Variants in PLCB1 observed in about 807,000 individuals in gnomAD.
PLCB1 encodes phospholipase C beta 1.
In PLCB1, 46 loss-of-function variants were observed where a neutral mutation model predicts 161.8. The ratio of observed to expected loss-of-function variants is 0.28; its 90% CI spans 0.22 to 0.36. The LOEUF is 0.36. Among genes scored for constraint, PLCB1 ranks in the 10% least tolerant of loss-of-function variants. The pLI is 1.00. For synonymous variants in PLCB1, 517 were observed against 503.7 expected, an observed-to-expected ratio of 1.03 and a Z score of -0.35; for missense variants, 1,016 against 1,472.5, an observed-to-expected ratio of 0.69 and a Z score of 5.07.
In PLCB1 at chr20:8,174,494, A is replaced by G. The variant is rs892371278; in HGVS notation, c.177+24123A>G. On this transcript the variant is annotated intron_variant, in intron 2 of 31. Coordinates refer to ENST00000338037, the MANE Select transcript of PLCB1 (RefSeq NM_015192.4). ...TTTTATAAAACAGAAAGGAAAGTAT[A>G]GAAGAAGGAAACTTGGAGTATCAGA... 5.3e-5 allele frequency among the ~76,000 whole-genome samples: 8 copies of G among 152,244 alleles called. 1 individual carries two copies. Among genetic ancestry groups the G allele is most frequent in the African/African-American group, 1.9e-4 (8 of 41,466 alleles).
chr20:8,694,832 G>A (rs1054348568), intron 10 of PLCB1, among the ~76,000 whole-genome samples: 20 of 152,092 alleles, frequency 1.3e-4, no homozygotes, highest in Admixed American at 3.9e-4. Flanking sequence ...CTTTAATACC[G>A]GTGCAATTTT....
intron 13 of PLCB1, among the ~76,000 whole-genome samples, chr20:8,716,660 A>G (rs1207143499): frequency 6.6e-6 from 1 of 152,192 alleles, no homozygotes; most frequent in Non-Finnish European, 1.5e-5. Context: ...GCTCACTCCC[A>G]GGGAACCTCG....
At chr20:8,222,366 A>G (rs1430055177) in intron 2 of PLCB1, among the ~76,000 whole-genome samples, 1 of 152,160 alleles carries the variant, frequency 6.6e-6, no homozygotes, top group African/African-American at 2.4e-5. Flanking sequence ...TTCTAGATAT[A>G]GAATTCTGGG....
chr20:8,629,837 C>CT (rs1473598164), intron 4 of PLCB1, among the ~76,000 whole-genome samples: 12 of 89,392 alleles, frequency 1.3e-4, no homozygotes, highest in South Asian at 6.9e-4. Flanking sequence ...TTCTTTCTTT[C>CT]TTTCTTTCTT....
chr20:8,503,910 C>T (rs1447034439), intron 3 of PLCB1, among the ~76,000 whole-genome samples: 1 of 152,114 alleles, frequency 6.6e-6, no homozygotes, highest in East Asian at 1.9e-4. Context: ...AATTATGTGA[C>T]TTACAAGCAT....
chr20:8,147,904 G>A (rs1300557030), intron 1 of PLCB1, among the ~76,000 whole-genome samples: 8 of 133,582 alleles, frequency 6.0e-5, no homozygotes, highest in Middle Eastern at 4.6e-3. Context: ...ACGGCGTCTC[G>A]CTCTGTCACC....
chr20:8,733,784 T>TATTATA (rs375005246), intron 19 of PLCB1, among the ~76,000 whole-genome samples: 4 of 139,308 alleles, frequency 2.9e-5, no homozygotes, highest in Non-Finnish European at 6.1e-5. Context: ...AAACTTAAAG[T>TATTATA]ATAATAATAA....
intron 2 of PLCB1, among the ~76,000 whole-genome samples, chr20:8,154,986 C>T (rs996888225): frequency 2.6e-5 from 4 of 152,080 alleles, no homozygotes; most frequent in Non-Finnish European, 5.9e-5. Context: ...TTCTCATCAC[C>T]GTTATTAATC....
At chr20:8,160,483 C>T (rs538082238) in intron 2 of PLCB1, among the ~76,000 whole-genome samples, 11 of 152,270 alleles carry the variant, frequency 7.2e-5, no homozygotes, top group African/African-American at 2.2e-4. Context: ...TTCCACGTGG[C>T]TGGGGAGGCC....
At chr20:8,853,104 A>G (rs35030007) in intron 31 of PLCB1, among the ~76,000 whole-genome samples, 39,418 of 152,020 alleles carry the variant, frequency 0.26, 6,754 homozygotes, top group East Asian at 0.63. Flanking sequence ...TTTCTGAAAA[A>G]TGGCTTATCA....
chr20:8,830,141 T>C (rs1424250744), intron 31 of PLCB1, among the ~76,000 whole-genome samples: 1 of 152,178 alleles, frequency 6.6e-6, no homozygotes, highest in East Asian at 1.9e-4. Flanking sequence ...ATAAGAGATG[T>C]GTGAGTAGGA....
At chr20:8,486,480 T>C (rs1456339209) in intron 3 of PLCB1, among the ~76,000 whole-genome samples, 2 of 93,318 alleles carry the variant, frequency 2.1e-5, no homozygotes, top group Non-Finnish European at 4.2e-5. Flanking sequence ...TATTCCAAAA[T>C]ATTTTTTTTT....
chr20:8,657,220 G>A lies in PLCB1; in HGVS notation c.631G>A (p.Val211Met), dbSNP rs1989486962. Residue 211 changes from valine to methionine, a missense_variant, in exon 8 of 32, where the codon GTG becomes ATG. Around this residue, in one of 10 missense-constraint regions of PLCB1, gnomAD observed 117 missense variants for 142.2 expected, o/e 0.82. Coordinates refer to ENST00000338037, the MANE Select transcript of PLCB1 (RefSeq NM_015192.4). Reference sequence around the variant, plus strand: ...ACCTCAAGAAGATTTCACTCCAGAAGTGTACAGAGTTTTCCTCAACAACCT... The same window carrying A: ...ACCTCAAGAAGATTTCACTCCAGAAATGTACAGAGTTTTCCTCAACAACCT... The part of the protein sequence containing the change: ...SIPQEDFTPE[V>M]YRVFLNNLCP... 1.2e-6 allele frequency: 2 copies of A among 1,610,132 alleles called. No individual in the cohort carries two copies. Among genetic ancestry groups the A allele is most frequent in the Admixed American group, 1.7e-5 (1 of 59,928 alleles).
chr20:8,624,246 T>C (rs1273992318), intron 3 of PLCB1, among the ~76,000 whole-genome samples: 1 of 152,194 alleles, frequency 6.6e-6, no homozygotes, highest in African/African-American at 2.4e-5. Flanking sequence ...GTTCCATCCA[T>C]ATAACTGTAA....
At chr20:8,730,133 C>T (rs1041846472) in intron 18 of PLCB1, among the ~76,000 whole-genome samples, 31 of 151,836 alleles carry the variant, frequency 2.0e-4, no homozygotes, top group African/African-American at 7.5e-4. Context: ...TTTTGTGAAA[C>T]AGAGACAATT....
intron 13 of PLCB1, 55 bp downstream of exon 13, chr20:8,716,403 G>A: frequency 1.6e-6 from 2 of 1,263,720 alleles, no homozygotes; most frequent in Non-Finnish European, 2.3e-6. Flanking sequence ...TGATGAATGA[G>A]GTTGAGGGAA....
At chr20:8,754,087 C>G (rs942575844) in intron 23 of PLCB1, among the ~76,000 whole-genome samples, 10 of 152,168 alleles carry the variant, frequency 6.6e-5, no homozygotes, top group African/African-American at 2.4e-4. Flanking sequence ...CCCACTTTAT[C>G]CCCGACTGCA....
chr20:8,252,115 T>C (rs192724316), intron 2 of PLCB1, among the ~76,000 whole-genome samples: 63 of 151,972 alleles, frequency 4.1e-4, no homozygotes, highest in African/African-American at 1.3e-3. Flanking sequence ...ACATCTATCA[T>C]AGACTGGATA....
chr20:8,837,255 C>A (rs1423529103), intron 31 of PLCB1, among the ~76,000 whole-genome samples: 1 of 152,128 alleles, frequency 6.6e-6, no homozygotes, highest in Non-Finnish European at 1.5e-5. Flanking sequence ...TAACTACATT[C>A]AAGTCCAAAG....
Sources: allele counts gnomAD v4.1 joint callset (sites outside exome capture counted in the v4.1 genomes callset), GRCh38; gene constraint gnomAD v4.1.1; regional missense constraint gnomAD v4.1.1; transcripts MANE v1.5; gene names NCBI Gene and HGNC (gene_info 2026-07-23, HGNC 2026-07-21).